CDK15: variants seen among roughly 807,000 people sequenced by gnomAD.
The protein encoded by CDK15 is cyclin-dependent kinase 15.
CDK15 carries 62 observed loss-of-function variants against 60.3 expected under a neutral mutation model. The observed-to-expected ratio is 1.03, with a 90% CI of 0.84 to 1.27. CDK15 has a LOEUF of 1.27. CDK15 is among the 50% of genes most tolerant of loss of function. The pLI is 0.00. For missense variants in CDK15, 541 were observed against 527.8 expected (o/e 1.03, Z -0.25); for synonymous variants, 194 against 195.7 (o/e 0.99, Z 0.07).
chr2:201,876,773 T>TA (rs545295387), intron 11 of CDK15, among the ~76,000 whole-genome samples: 93 of 151,874 alleles, frequency 6.1e-4, no homozygotes, highest in South Asian at 2.3e-3. Flanking sequence ...TCACCTGGTT[T>TA]AAAAAAAACA....
chr2:201,806,760 G>T lies in CDK15; in HGVS notation c.96G>T (p.Gln32His), dbSNP rs971223883. ...GGEAHSCRRS[Q>H]PETTEAAFKL... ...AGGCACACAGCTGTCGGAGGAGTCA[G>T]CCTGAGACCACGGAGGCTGCGTTCA... The change falls in exon 1 of 14, where the codon CAG becomes CAT. Residue 32 changes from glutamine (Q) to histidine (H), a missense_variant. Transcript: ENST00000652192. 2.5e-6 allele frequency: 4 copies of T among 1,598,546 alleles called. No individual in the cohort carries two copies. Among genetic ancestry groups the T allele is most frequent in the South Asian group, 2.2e-5 (2 of 91,062 alleles).
At chr2:201,813,525 A>G (rs1412464569) in intron 4 of CDK15, among the ~76,000 whole-genome samples, 1 of 152,240 alleles carries the variant, frequency 6.6e-6, no homozygotes, top group Non-Finnish European at 1.5e-5. Context: ...CACATGCTAT[A>G]TGCAGAGTAT....
intron 12 of CDK15, among the ~76,000 whole-genome samples, chr2:201,884,899 TAAGAC>T (rs1699403046): frequency 6.6e-6 from 1 of 152,178 alleles, no homozygotes; most frequent in African/African-American, 2.4e-5. Context: ...CTTTAGGAAA[TAAGAC>T]AAGTATATAA....
chr2:201,855,921 G>T (rs1226180336), intron 10 of CDK15, among the ~76,000 whole-genome samples: 1 of 151,736 alleles, frequency 6.6e-6, no homozygotes, highest in Non-Finnish European at 1.5e-5. Context: ...CACCTCCTGG[G>T]TTCAAGCAAT....
At chr2:201,815,114 G>A (rs1235255426) in intron 4 of CDK15, among the ~76,000 whole-genome samples, 1 of 152,104 alleles carries the variant, frequency 6.6e-6, no homozygotes, top group Non-Finnish European at 1.5e-5. Flanking sequence ...ACCACACCCA[G>A]CTAATTTTGT....
chr2:201,809,232 C>G (rs996458884), intron 3 of CDK15, among the ~76,000 whole-genome samples: 3 of 152,188 alleles, frequency 2.0e-5, no homozygotes, highest in Non-Finnish European at 4.4e-5. Flanking sequence ...TACATGGGCA[C>G]CATGGACACT....
In CDK15 at chr2:201,835,828, A is replaced by G; in HGVS notation, c.851+65A>G. The G allele has an allele frequency of 2.4e-6, 3 of 1,249,876 alleles. 1 individual carries two copies. The highest frequency in any genetic ancestry group is 3.1e-6 in the Non-Finnish European group (3 of 973,104). 77.4% of individuals were successfully genotyped at this position (1,249,876 alleles called of 1,614,324 possible). A position where few individuals can be genotyped will look rare whatever the true frequency, so the allele number is the denominator to read the frequency against. On this transcript the variant is annotated intron_variant, in intron 8 of 13. Transcript: ENST00000652192. ...CGAGGGTTGCTTTATCATCTACATT[A>G]TATTTTAATAATAATTCTAAAAATG...
At chr2:201,891,199 T>A (rs1209333783) in intron 13 of CDK15, among the ~76,000 whole-genome samples, 1 of 152,138 alleles carries the variant, frequency 6.6e-6, no homozygotes, top group East Asian at 1.9e-4. Context: ...CGGTGTGAGA[T>A]CTTCAGCTGA....
chr2:201,868,183 T>G (rs1698705504), intron 10 of CDK15, among the ~76,000 whole-genome samples: 1 of 151,728 alleles, frequency 6.6e-6, no homozygotes, highest in African/African-American at 2.4e-5. Flanking sequence ...AACACCTGAG[T>G]GGGAGAGAGA....
chr2:201,817,713 G>T (rs1696053970), intron 4 of CDK15, among the ~76,000 whole-genome samples: 1 of 152,212 alleles, frequency 6.6e-6, no homozygotes, highest in South Asian at 2.1e-4. Context: ...ACCACAAATA[G>T]TCTAGGGTAG....
chr2:201,860,421 T>G (rs1207243218), intron 10 of CDK15, among the ~76,000 whole-genome samples: 2 of 152,232 alleles, frequency 1.3e-5, no homozygotes, highest in African/African-American at 4.8e-5. Flanking sequence ...GTCTCTTTGA[T>G]GCTTGTTCCC....
chr2:201,812,349 A>G (rs1017016378), intron 3 of CDK15, 134 bp from the exon 4 acceptor site: 5 of 554,310 alleles, frequency 9.0e-6, no homozygotes, highest in African/African-American at 3.8e-5. Flanking sequence ...TAAACTTTTT[A>G]TTTTGAGAAA....
intron 8 of CDK15, among the ~76,000 whole-genome samples, 165 bp downstream of exon 8, chr2:201,835,928 T>G (rs971447048): frequency 9.1e-4 from 125 of 137,348 alleles, no homozygotes; most frequent in African/African-American, 3.2e-3. Flanking sequence ...TATATTTATA[T>G]TTTATATATT....
intron 6 of CDK15, among the ~76,000 whole-genome samples, chr2:201,832,640 T>C (rs1422821990): frequency 2.6e-5 from 4 of 152,240 alleles, no homozygotes; most frequent in African/African-American, 4.8e-5. Context: ...AAATGGTTTA[T>C]GAACCTGATG....
intron 6 of CDK15, among the ~76,000 whole-genome samples, chr2:201,825,747 A>G (rs570072712): frequency 2.6e-5 from 4 of 152,212 alleles, no homozygotes; most frequent in Non-Finnish European, 5.9e-5. Context: ...TGTGAAAGGA[A>G]GAGACAGGTA....
At chr2:201,808,812 T>C (rs1010450081) in intron 3 of CDK15, 1 of 152,100 alleles carries the variant, frequency 6.6e-6, no homozygotes. Flanking sequence ...ATATAACTAC[T>C]ACAAGACTAA....
chr2:201,832,039 T>C (rs928070715), intron 6 of CDK15, among the ~76,000 whole-genome samples: 1 of 150,480 alleles, frequency 6.6e-6, no homozygotes, highest in African/African-American at 2.4e-5. Flanking sequence ...GTCCTGCATA[T>C]TGAAAAACAT....
intron 8 of CDK15, among the ~76,000 whole-genome samples, chr2:201,837,123 T>C (rs1697129421): frequency 6.6e-6 from 1 of 151,792 alleles, no homozygotes; most frequent in Admixed American, 6.6e-5. Flanking sequence ...CACAGTGAGA[T>C]GCTGTCTCTA....
At chr2:201,835,550 T>G in intron 7 of CDK15, 93 bp from the exon 8 acceptor site, 1 of 1,306,590 alleles carries the variant, frequency 7.7e-7, no homozygotes, top group South Asian at 2.2e-5. Context: ...GTTTGTGTGT[T>G]ATTTTTTCTA....
Sources: allele counts gnomAD v4.1 joint callset (sites outside exome capture counted in the v4.1 genomes callset), GRCh38; gene constraint gnomAD v4.1.1; transcripts MANE v1.5; gene names NCBI Gene and HGNC (gene_info 2026-07-23, HGNC 2026-07-21).